Variants in TAFA2 observed in about 807,000 individuals in gnomAD.
The protein encoded by TAFA2 is TAFA chemokine like family member 2.
Under a neutral mutation model 18.8 loss-of-function variants are expected in TAFA2, and 7 were observed. The observed-to-expected ratio is 0.37, with a 90% confidence interval of 0.21 to 0.70. The LOEUF (loss-of-function observed/expected upper bound fraction) is 0.70, where lower values mean the gene tolerates loss of function less well. TAFA2 is among the 30% of genes least tolerant of loss of function. The pLI is 0.53. For missense variants in TAFA2, 122 were observed against 158.1 expected (o/e 0.77, Z 1.23); for synonymous variants, 60 against 54.2 (o/e 1.11, Z -0.47).
chr12:61,804,794 A>T (rs1264118004), intron 2 of TAFA2, among the ~76,000 whole-genome samples: 1 of 151,998 alleles, frequency 6.6e-6, no homozygotes, highest in Non-Finnish European at 1.5e-5. Context: ...TATTATTACT[A>T]CTTTTCAAAT....
At chr12:62,133,683 C>A (rs1311424813) in intron 1 of TAFA2, among the ~76,000 whole-genome samples, 4 of 152,038 alleles carry the variant, frequency 2.6e-5, no homozygotes, top group African/African-American at 7.2e-5. Context: ...AAAGAGCAAG[C>A]AAGATAGAGC....
chr12:62,068,728 G>A (rs1456662135), intron 1 of TAFA2, among the ~76,000 whole-genome samples: 1 of 150,700 alleles, frequency 6.6e-6, no homozygotes, highest in African/African-American at 2.4e-5. Flanking sequence ...AATTATTTTT[G>A]ACTTCATATA....
At chr12:62,143,992 G>A (rs929275683) in intron 1 of TAFA2, among the ~76,000 whole-genome samples, 1 of 146,524 alleles carries the variant, frequency 6.8e-6, no homozygotes, top group Non-Finnish European at 1.5e-5. Flanking sequence ...AGGCTGCAGT[G>A]AGCTGAGATC....
intron 1 of TAFA2, among the ~76,000 whole-genome samples, chr12:62,156,358 G>C (rs377724169): frequency 6.6e-6 from 1 of 152,120 alleles, no homozygotes; most frequent in African/African-American, 2.4e-5. Context: ...GAATGTAAAC[G>C]AGTACAGCCA....
intron 1 of TAFA2, among the ~76,000 whole-genome samples, chr12:62,171,158 T>C (rs112439526): frequency 2.0e-5 from 3 of 152,204 alleles, no homozygotes; most frequent in African/African-American, 7.2e-5. Flanking sequence ...ATTATTATTA[T>C]TATTATTAAC....
chr12:61,970,864 T>C (rs1447553051), intron 1 of TAFA2, among the ~76,000 whole-genome samples: 2 of 150,598 alleles, frequency 1.3e-5, no homozygotes, highest in Non-Finnish European at 3.0e-5. Flanking sequence ...AAATACCTGG[T>C]CCTCAAAGAC....
rs141074777 is a variant in TAFA2 at position 62,236,911 on chromosome 12, T to A, written c.-130+21852A>T. Among the ~76,000 whole-genome samples the A allele has an allele frequency of 3.0e-3, 458 of 152,312 alleles. 4 individuals are homozygous for A. Among genetic ancestry groups the A allele is most frequent in the African/African-American group, 0.011 (438 of 41,568 alleles). On this transcript the variant is annotated intron_variant, in intron 1 of 5. Coordinates refer to the TAFA2 transcript ENST00000551619. ...GTTCTTGACTTTTGAGAGTTTATTATACGCCTTGAGGTAGTCTTATTCGGG... is the reference window on the plus strand; with the variant it reads ...GTTCTTGACTTTTGAGAGTTTATTAAACGCCTTGAGGTAGTCTTATTCGGG...
intron 4 of TAFA2, among the ~76,000 whole-genome samples, chr12:61,730,690 G>A: frequency 6.6e-6 from 1 of 152,006 alleles, no homozygotes. Context: ...AGGTAAGTGG[G>A]GAAAGTTGGC....
chr12:62,222,500 T>TTTATTA lies in TAFA2; in HGVS notation c.-130+36257_-130+36262dup, dbSNP rs529565040. 3.3e-5 allele frequency among the ~76,000 whole-genome samples: 5 copies of TTTATTA among 151,300 alleles called. No individual in the cohort carries two copies. The East Asian group carries it at 7.7e-4, about 23-fold the overall frequency. ...TCAACATAAATATTCAAGGATATTA[T>TTTATTA]TTATTATTATTATTATTATTATTTT... On this transcript the variant is annotated intron_variant, in intron 1 of 5. Coordinates refer to the TAFA2 transcript ENST00000551619.
intron 1 of TAFA2, among the ~76,000 whole-genome samples, chr12:62,238,681 T>A (rs1401674395): frequency 6.6e-6 from 1 of 152,198 alleles, no homozygotes; most frequent in Non-Finnish European, 1.5e-5. Flanking sequence ...GAGCAGAAAT[T>A]ATACTTTATT....
intron 2 of TAFA2, among the ~76,000 whole-genome samples, chr12:61,784,528 G>A (rs1870645276): frequency 6.6e-6 from 1 of 151,438 alleles, no homozygotes; most frequent in Non-Finnish European, 1.5e-5. Context: ...GAGAAAGAAA[G>A]TTTGGGAAGA....
intron 1 of TAFA2, among the ~76,000 whole-genome samples, chr12:62,153,261 A>C (rs2062342116): frequency 6.6e-6 from 1 of 152,182 alleles, no homozygotes; most frequent in Admixed American, 6.5e-5. Flanking sequence ...ATATTATGTG[A>C]TATAAGACAT....
intron 1 of TAFA2, among the ~76,000 whole-genome samples, chr12:62,127,270 T>C (rs886492708): frequency 6.6e-6 from 1 of 151,938 alleles, no homozygotes; most frequent in East Asian, 1.9e-4. Context: ...AGAAGGAAGA[T>C]TGCACCTTCC....
intron 1 of TAFA2, among the ~76,000 whole-genome samples, chr12:62,157,942 C>T (rs1177196200): frequency 1.3e-5 from 2 of 152,204 alleles, no homozygotes; most frequent in African/African-American, 2.4e-5. Context: ...GGGTTCATCA[C>T]AAAGTGCACC....
chr12:61,863,974 G>T (rs1482778664), intron 2 of TAFA2, among the ~76,000 whole-genome samples: 1 of 152,046 alleles, frequency 6.6e-6, no homozygotes, highest in Non-Finnish European at 1.5e-5. Context: ...GAGCAGACTG[G>T]GCGATTCTCC....
At chr12:61,999,136 A>G (rs1470199659) in intron 1 of TAFA2, among the ~76,000 whole-genome samples, 1 of 152,214 alleles carries the variant, frequency 6.6e-6, no homozygotes, top group Non-Finnish European at 1.5e-5. Context: ...TCTTAATATG[A>G]GAGGAAACAG....
chr12:62,033,717 T>C (rs1047537107), intron 1 of TAFA2, among the ~76,000 whole-genome samples: 4 of 151,940 alleles, frequency 2.6e-5, no homozygotes, highest in African/African-American at 9.7e-5. Flanking sequence ...ATACCAAATA[T>C]GTTATATACT....
intron 1 of TAFA2, among the ~76,000 whole-genome samples, chr12:61,905,920 A>C (rs1042716257): frequency 7.2e-5 from 11 of 152,140 alleles, no homozygotes; most frequent in Non-Finnish European, 1.6e-4. Flanking sequence ...ATACTTTAAC[A>C]ATTCATCTGA....
chr12:62,033,403 A>G (rs1592562007), intron 1 of TAFA2, among the ~76,000 whole-genome samples: 1 of 152,154 alleles, frequency 6.6e-6, no homozygotes, highest in African/African-American at 2.4e-5. Context: ...GCCCTTAGGA[A>G]GGAGGTTTGC....
Sources: allele counts gnomAD v4.1 joint callset (sites outside exome capture counted in the v4.1 genomes callset), GRCh38; gene constraint gnomAD v4.1.1; transcripts MANE v1.5; gene names NCBI Gene and HGNC (gene_info 2026-07-23, HGNC 2026-07-21).